KSR2: variants seen among roughly 807,000 people sequenced by gnomAD.
KSR2 encodes the protein kinase suppressor of ras 2.
KSR2 carries 25 observed loss-of-function variants against 107.8 expected under a neutral mutation model. The observed-to-expected ratio is 0.23, with a 90% CI of 0.17 to 0.32. The LOEUF (loss-of-function observed/expected upper bound fraction) is 0.32, where lower values mean the gene tolerates loss of function less well. Ranked by LOEUF, KSR2 falls within the 10% of genes least tolerant of loss-of-function variation. The pLI is 1.00. For missense variants in KSR2, 887 were observed against 1,268.9 expected (o/e 0.70, Z 4.57); for synonymous variants, 480 against 507.0 (o/e 0.95, Z 0.71).
chr12:117,482,599 T>C (rs1396115238), intron 16 of KSR2, among the ~76,000 whole-genome samples: 1 of 152,172 alleles, frequency 6.6e-6, no homozygotes, highest in African/African-American at 2.4e-5. Flanking sequence ...GAAGCCACCT[T>C]GCCCTTGACT....
rs1870571893 is a variant in KSR2 at position 117,455,451 on chromosome 12, A to C, written c.*11748T>G. On this transcript the variant is annotated 3_prime_UTR_variant, in exon 20 of 20. Transcript: ENST00000339824. ...TACCATTCTACTCAAATTTCAAGAC[A>C]GGGTTCAGAAGTCTCCTCCTCTGAG... is the stretch of plus-strand genomic sequence containing the variant. The C allele has an allele frequency of 6.6e-6, 1 of 152,146 alleles. No homozygotes were observed. Among genetic ancestry groups the C allele is most frequent in the East Asian group, 1.9e-4 (1 of 5,196 alleles). The allele number at this position is 152,146 out of a possible 1,614,324, so 9.4% of individuals were successfully genotyped here. A position where few individuals can be genotyped will look rare whatever the true frequency, so the allele number is the denominator to read the frequency against.
chr12:117,709,298 G>A (rs949425432), intron 4 of KSR2, among the ~76,000 whole-genome samples: 6 of 152,042 alleles, frequency 3.9e-5, no homozygotes. Flanking sequence ...GCTTCTCAGG[G>A]AACATGACCT....
chr12:117,687,320 A>G (rs185270480), intron 4 of KSR2, among the ~76,000 whole-genome samples: 25 of 152,326 alleles, frequency 1.6e-4, no homozygotes, highest in Admixed American at 5.2e-4. Flanking sequence ...CTAATAATTC[A>G]GTCGTGGCTC....
At chr12:117,539,923 G>T in intron 9 of KSR2, 36 bp from the exon 10 acceptor site, 1 of 1,554,598 alleles carries the variant, frequency 6.4e-7, no homozygotes, top group South Asian at 1.2e-5. Flanking sequence ...TCAGGGACAG[G>T]CAGGGAAGCA....
intron 3 of KSR2, among the ~76,000 whole-genome samples, chr12:117,848,838 G>GTGGGTGGTGATGGTGGTAGTGGTGGTGA (rs1566048359): frequency 7.5e-5 from 7 of 93,594 alleles, no homozygotes; most frequent in Non-Finnish European, 1.5e-4. Context: ...GGTGGTAGTG[G>GTGGGTGGTGATGGTGGTAGTGGTGGTGA]TGGTGATGGT....
At chr12:117,571,644 TATA>T (rs1051521135) in intron 7 of KSR2, among the ~76,000 whole-genome samples, 6 of 152,128 alleles carry the variant, frequency 3.9e-5, no homozygotes, top group Non-Finnish European at 7.4e-5. Flanking sequence ...CCACTGAGTT[TATA>T]ATAACATCCT....
rs559174288 is a variant in KSR2 at position 117,653,064 on chromosome 12, T to C, written c.1171+14410A>G. Reference sequence around the variant, plus strand: ...AAACAATATTGCATCCCTGGAGGGATTGTGGAGATTAGTGCCACCAACAAG... The same window carrying C: ...AAACAATATTGCATCCCTGGAGGGACTGTGGAGATTAGTGCCACCAACAAG... On this transcript the variant is annotated intron_variant, in intron 5 of 19. Transcript: ENST00000339824. Among the ~76,000 whole-genome samples, 35 of 152,310 alleles carry C rather than the reference T, an allele frequency of 2.3e-4. 1 individual carries two copies. Among genetic ancestry groups the C allele is most frequent in the African/African-American group, 5.1e-4 (21 of 41,560 alleles).
At chr12:117,638,516 GAAAAA>G (rs34243226) in intron 5 of KSR2, among the ~76,000 whole-genome samples, 2 of 142,834 alleles carry the variant, frequency 1.4e-5, no homozygotes, top group Non-Finnish European at 3.1e-5. Context: ...AATATTCAGG[GAAAAA>G]AAAAAAAGCT....
intron 3 of KSR2, among the ~76,000 whole-genome samples, chr12:117,798,102 TC>T (rs1890699036): frequency 1.3e-5 from 2 of 151,980 alleles, no homozygotes; most frequent in African/African-American, 4.8e-5. Context: ...TTTTTTTTCT[TC>T]TCACCTTTGA....
Position 117,485,613 on chromosome 12 carries a change from A to G in KSR2, c.2298T>C (p.Ile766=). 6.2e-7 allele frequency: 1 copy of G among 1,613,528 alleles called. No individual in the cohort carries two copies. The highest frequency in any genetic ancestry group is 8.5e-7 in the Non-Finnish European group (1 of 1,179,486). Residue 766 remains isoleucine (I), a synonymous_variant, in exon 15 of 20, where the codon ATT becomes ATC. Transcript: ENST00000339824. ...IVLDVNKTRQ[I]AQEIVKGMGY... ...ACAGTACCTTCACAATTTCTTGAGC[A>G]ATCTGCCTGGTTTTGTTGACATCCA...
intron 1 of KSR2, among the ~76,000 whole-genome samples, chr12:117,877,715 C>A (rs1002017371): frequency 6.6e-6 from 1 of 152,124 alleles, no homozygotes; most frequent in African/African-American, 2.4e-5. Context: ...GGGAGGCTGC[C>A]CCCAAGCCTG....
At chr12:117,852,259 C>A (rs1392332278) in intron 3 of KSR2, among the ~76,000 whole-genome samples, 2 of 134,348 alleles carry the variant, frequency 1.5e-5, no homozygotes, top group African/African-American at 5.2e-5. Context: ...CTCGTCTCTA[C>A]TAAAATACAA....
At chr12:117,937,971 G>GA (rs771959105) in intron 1 of KSR2, among the ~76,000 whole-genome samples, 9,406 of 54,004 alleles carry the variant, frequency 0.17, 513 homozygotes, top group Non-Finnish European at 0.21. Context: ...TCTGTCTCAA[G>GA]AAAAAAAAAA....
intron 12 of KSR2, among the ~76,000 whole-genome samples, chr12:117,527,981 G>GTA (rs1196881034): frequency 6.6e-6 from 1 of 151,788 alleles, no homozygotes; most frequent in Non-Finnish European, 1.5e-5. Flanking sequence ...GTGTGTGTGT[G>GTA]TGTGTGTGTG....
At chr12:117,597,784 T>G (rs1222840283) in intron 5 of KSR2, among the ~76,000 whole-genome samples, 1 of 152,236 alleles carries the variant, frequency 6.6e-6, no homozygotes, top group Admixed American at 6.5e-5. Flanking sequence ...GTATTACTTT[T>G]GCACCAACCT....
chr12:117,622,162 A>G (rs1882235216), intron 5 of KSR2, among the ~76,000 whole-genome samples: 1 of 152,104 alleles, frequency 6.6e-6, no homozygotes. Flanking sequence ...GACTTTAGGC[A>G]TATCTCTACA....
At chr12:117,851,630 C>G (rs1023338145) in intron 3 of KSR2, among the ~76,000 whole-genome samples, 12 of 152,090 alleles carry the variant, frequency 7.9e-5, no homozygotes, top group African/African-American at 2.9e-4. Context: ...GTGGCTCATA[C>G]CTGTAATCCC....
At chr12:117,788,535 T>C (rs1223830362) in intron 3 of KSR2, among the ~76,000 whole-genome samples, 1 of 152,156 alleles carries the variant, frequency 6.6e-6, no homozygotes, top group African/African-American at 2.4e-5. Flanking sequence ...AGAGTCTCAC[T>C]CCATTGCCCA....
intron 1 of KSR2, among the ~76,000 whole-genome samples, chr12:117,956,648 T>C (rs1896527346): frequency 6.7e-6 from 1 of 149,894 alleles, no homozygotes; most frequent in African/African-American, 2.5e-5. Context: ...GAGTTTGGAC[T>C]GGGGGTGGCT....
Sources: allele counts gnomAD v4.1 joint callset (sites outside exome capture counted in the v4.1 genomes callset), GRCh38; gene constraint gnomAD v4.1.1; transcripts MANE v1.5; gene names NCBI Gene and HGNC (gene_info 2026-07-23, HGNC 2026-07-21).